The following TENM4 variants were observed in gnomAD, a reference collection of about 807,000 sequenced individuals.
The protein encoded by TENM4 is teneurin transmembrane protein 4.
In TENM4, 82 loss-of-function variants were observed where a neutral mutation model predicts 243.3. That is an observed-to-expected ratio of 0.34 (90% CI 0.28 to 0.40). The LOEUF (loss-of-function observed/expected upper bound fraction) is 0.40, where lower values mean the gene tolerates loss of function less well. Ranked by LOEUF, TENM4 falls within the 10% of genes least tolerant of loss-of-function variation. The pLI is 1.00. For synonymous variants in TENM4, 1,412 were observed against 1,456.3 expected (o/e 0.97, Z 0.69); for missense variants, 3,138 against 3,673.3 (o/e 0.85, Z 3.77).
At chr11:79,075,300 A>G (rs1030077192) in intron 4 of TENM4, among the ~76,000 whole-genome samples, 42 of 152,318 alleles carry the variant, frequency 2.8e-4, no homozygotes, top group African/African-American at 9.9e-4. Context: ...GGAAGTGTCC[A>G]ACTGCAAACC....
intron 33 of TENM4, among the ~76,000 whole-genome samples, chr11:78,660,639 A>C (rs566416315): frequency 1.3e-5 from 2 of 152,302 alleles, no homozygotes; most frequent in South Asian, 4.2e-4. Context: ...TTAGTCTGTC[A>C]TCCCCTGGGC....
At chr11:78,871,326 T>C (rs1246205765) in intron 9 of TENM4, among the ~76,000 whole-genome samples, 2 of 151,318 alleles carry the variant, frequency 1.3e-5, no homozygotes, top group Non-Finnish European at 2.9e-5. Context: ...TTTACTGACA[T>C]GAACTACCAG....
chr11:79,267,155 T>G (rs1022174996), intron 2 of TENM4, among the ~76,000 whole-genome samples: 3 of 152,180 alleles, frequency 2.0e-5, no homozygotes, highest in Non-Finnish European at 4.4e-5. Flanking sequence ...AATCAAGAAC[T>G]GAATCTTGTC....
At chr11:79,325,757 G>A (rs1217700211) in intron 1 of TENM4, among the ~76,000 whole-genome samples, 3 of 152,184 alleles carry the variant, frequency 2.0e-5, no homozygotes, top group African/African-American at 7.2e-5. Context: ...CTGGGTCAAA[G>A]ATACAGATGA....
intron 6 of TENM4, among the ~76,000 whole-genome samples, chr11:78,945,280 G>A (rs1383927770): frequency 6.6e-6 from 1 of 152,154 alleles, no homozygotes; most frequent in Non-Finnish European, 1.5e-5. Context: ...GGTAATTGTT[G>A]TAACATTTCA....
At chr11:79,185,752 T>C (rs73508614) in intron 3 of TENM4, among the ~76,000 whole-genome samples, 1,797 of 152,278 alleles carry the variant, frequency 0.012, 40 homozygotes, top group African/African-American at 0.041. Context: ...TAGCAGTCCT[T>C]AGAAAAAGTA....
At chr11:79,416,528 CAT>C (rs1858817220) in intron 1 of TENM4, among the ~76,000 whole-genome samples, 1 of 152,100 alleles carries the variant, frequency 6.6e-6, no homozygotes, top group Non-Finnish European at 1.5e-5. Context: ...TCAGCTATAA[CAT>C]AAAAATTTGG....
At chr11:78,748,838 C>T (rs958255119) in intron 19 of TENM4, among the ~76,000 whole-genome samples, 2 of 152,312 alleles carry the variant, frequency 1.3e-5, no homozygotes, top group East Asian at 1.9e-4. Flanking sequence ...ATGAGCCAGA[C>T]ATCGGGCTTC....
At chr11:78,732,922 G>A (rs192712400) in intron 20 of TENM4, among the ~76,000 whole-genome samples, 1 of 152,200 alleles carries the variant, frequency 6.6e-6, no homozygotes, top group Non-Finnish European at 1.5e-5. Context: ...AAAAGTCAGT[G>A]AATAAAGTAG....
chr11:78,973,433 C>T (rs572433213), intron 6 of TENM4, among the ~76,000 whole-genome samples: 3 of 152,178 alleles, frequency 2.0e-5, no homozygotes, highest in Admixed American at 1.3e-4. Context: ...GCAAATGATG[C>T]TTGGCATATT....
chr11:79,076,032 C>T (rs1480004306), intron 4 of TENM4, among the ~76,000 whole-genome samples: 3 of 152,154 alleles, frequency 2.0e-5, no homozygotes. Flanking sequence ...GTTTTATAAG[C>T]TTGTTCTTAT....
At chr11:79,208,409 G>A (rs1863891495) in intron 3 of TENM4, among the ~76,000 whole-genome samples, 1 of 152,224 alleles carries the variant, frequency 6.6e-6, no homozygotes. Context: ...TTCCTCATGT[G>A]TAAAATGGGG....
chr11:78,673,690 A>ACG (rs1260462441), intron 30 of TENM4, among the ~76,000 whole-genome samples: 1 of 152,230 alleles, frequency 6.6e-6, no homozygotes, highest in African/African-American at 2.4e-5. Flanking sequence ...AGTGCTAGGC[A>ACG]CATAGAAGGT....
At chr11:79,370,032 C>T (rs1055376441) in intron 1 of TENM4, among the ~76,000 whole-genome samples, 2 of 152,112 alleles carry the variant, frequency 1.3e-5, no homozygotes, top group Non-Finnish European at 2.9e-5. Context: ...GGTCTGTTTC[C>T]TCATCAGTAA....
intron 1 of TENM4, among the ~76,000 whole-genome samples, chr11:79,426,013 A>G (rs901450580): frequency 6.6e-6 from 1 of 152,198 alleles, no homozygotes; most frequent in Admixed American, 6.5e-5. Flanking sequence ...ACCTACTTTG[A>G]GGCCTTGAGA....
chr11:78,793,215 C>T lies in TENM4; in HGVS notation c.2180-6132G>A, dbSNP rs544686277. ...GAAAGACTTATGCACAATTTTCCCA[C>T]AAAATTTCTTCTACTTGGAAAGATG... On this transcript the variant is annotated intron_variant, in intron 15 of 33. Transcript: ENST00000278550. Among the ~76,000 whole-genome samples the T allele has an allele frequency of 4.1e-4, 63 of 152,248 alleles. 1 individual carries two copies. The South Asian group carries it at 7.3e-3, about 18-fold the overall frequency.
At chr11:79,082,055 T>A (rs1860689287) in intron 4 of TENM4, among the ~76,000 whole-genome samples, 1 of 152,156 alleles carries the variant, frequency 6.6e-6, no homozygotes, top group Non-Finnish European at 1.5e-5. Context: ...TTGGTACTTA[T>A]AACATCTCGA....
intron 1 of TENM4, among the ~76,000 whole-genome samples, chr11:79,358,530 C>A (rs1053831147): frequency 2.6e-5 from 4 of 152,142 alleles, no homozygotes; most frequent in African/African-American, 9.6e-5. Context: ...CACAGAGTAC[C>A]AAATTATGCC....
At chr11:79,330,034 C>T (rs1051948032) in intron 1 of TENM4, among the ~76,000 whole-genome samples, 1 of 152,130 alleles carries the variant, frequency 6.6e-6, no homozygotes, top group South Asian at 2.1e-4. Context: ...GAGAGAGATC[C>T]GGGCAATGGT....
Sources: gnomAD v4.1 joint callset for allele counts (sites outside exome capture counted in the v4.1 genomes callset) on GRCh38, gnomAD v4.1.1 for gene constraint, MANE v1.5 for transcripts, NCBI Gene and HGNC (gene_info 2026-07-23, HGNC 2026-07-21) for gene names.